Variants in SLC3A2 observed in about 807,000 individuals in gnomAD.
SLC3A2 encodes the protein solute carrier family 3 member 2.
A neutral mutation model predicts 48.5 loss-of-function variants in SLC3A2; 32 were observed. The observed-to-expected ratio is 0.66, with a 90% CI of 0.50 to 0.89. SLC3A2 has a LOEUF of 0.89. Among genes scored for constraint, SLC3A2 ranks in the 40% least tolerant of loss-of-function variants. The pLI is 0.00. For missense variants in SLC3A2, 587 were observed against 680.7 expected (o/e 0.86, Z 1.53); for synonymous variants, 277 against 288.8 (o/e 0.96, Z 0.41).
At chr11:62,865,121 C>T (rs1412647093) in intron 1 of SLC3A2, among the ~76,000 whole-genome samples, 1 of 152,154 alleles carries the variant, frequency 6.6e-6, no homozygotes, top group East Asian at 1.9e-4. Context: ...TAGGCATTTC[C>T]CTTTACCCAG....
Position 62,881,388 on chromosome 11 carries a change from C to T in SLC3A2, c.365C>T (p.Ala122Val). The change falls in exon 1 of 9, where the codon GCC (alanine) becomes GTC (valine). Residue 122 changes from alanine to valine, a missense_variant. Physicochemically the swap from Ala to Val is moderately conservative, Grantham distance 64. Coordinates refer to ENST00000338663, the MANE Select transcript of SLC3A2 (RefSeq NM_001013251.3). This position sits in a 1 kb window ranked among gnomAD's most constrained non-coding sequence, Gnocchi z 4.0. ...GCGCAGAAGTGGTGGCACACGGGCG[C>T]CCTCTACCGCATCGGCGACCTTCAG... ...LPAQKWWHTG[A>V]LYRIGDLQAF... The T allele has an allele frequency of 4.4e-6, 7 of 1,596,536 alleles. No homozygotes were observed. Among genetic ancestry groups the T allele is most frequent in the Non-Finnish European group, 5.9e-6 (7 of 1,177,724 alleles).
At position 62,881,425 on chromosome 11, in the gene SLC3A2, C is replaced by T; in HGVS notation, c.402C>T (p.Gly134=). ...TCGGCGACCTTCAGGCCTTCCAGGGCCACGGCGCGGGCAACCTGGCGGGTG... is the reference window on the plus strand; with the variant it reads ...TCGGCGACCTTCAGGCCTTCCAGGGTCACGGCGCGGGCAACCTGGCGGGTG... ...YRIGDLQAFQ[G]HGAGNLAGLK... The change falls in exon 1 of 9, where the codon GGC becomes GGT. Residue 134 remains glycine (G), a synonymous_variant. Coordinates refer to ENST00000338663, the MANE Select transcript of SLC3A2 (RefSeq NM_001013251.3). This position sits in a 1 kb window ranked among gnomAD's most constrained non-coding sequence, Gnocchi z 4.0. 1 of 1,588,172 alleles carries T rather than the reference C, an allele frequency of 6.3e-7. No individual in the cohort carries two copies.
intron 2 of SLC3A2, 93 bp from the exon 3 acceptor site, chr11:62,882,815 A>G (rs986181127): frequency 4.9e-5 from 52 of 1,070,512 alleles, no homozygotes; most frequent in Non-Finnish European, 7.0e-5. Flanking sequence ...CAAGTAATAC[A>G]TAGGAAACAC....
At chr11:62,872,013 C>T (rs781193729) in intron 1 of SLC3A2, among the ~76,000 whole-genome samples, 21 of 151,914 alleles carry the variant, frequency 1.4e-4, no homozygotes, top group South Asian at 2.1e-4. Context: ...CCTGGGTTCA[C>T]GCCATTCTCC....
At chr11:62,888,101 G>A in intron 7 of SLC3A2, 34 bp from the exon 8 acceptor site, 1 of 1,590,488 alleles carries the variant, frequency 6.3e-7, no homozygotes, top group Non-Finnish European at 8.6e-7. Flanking sequence ...CTGACCCCAG[G>A]CCTTTTTAAA....
intron 1 of SLC3A2, chr11:62,870,891 T>C: frequency 5.5e-6 from 1 of 183,396 alleles, no homozygotes; most frequent in Non-Finnish European, 1.1e-5. Flanking sequence ...TTATTATTAT[T>C]ATTTGAGATG....
At chr11:62,857,556 G>T (rs1292431866) in intron 1 of SLC3A2, among the ~76,000 whole-genome samples, 1 of 151,980 alleles carries the variant, frequency 6.6e-6, no homozygotes, top group African/African-American at 2.4e-5. Flanking sequence ...CAGGAGCGGT[G>T]GTGCATGCCT....
intron 1 of SLC3A2, among the ~76,000 whole-genome samples, chr11:62,868,654 C>T (rs1164754845): frequency 3.9e-5 from 6 of 152,076 alleles, no homozygotes; most frequent in African/African-American, 1.2e-4. Context: ...CGTGAGCCAC[C>T]GTGCCCGGCC....
chr11:62,866,627 C>T (rs2085455764), intron 1 of SLC3A2, among the ~76,000 whole-genome samples: 1 of 152,118 alleles, frequency 6.6e-6, no homozygotes, highest in Non-Finnish European at 1.5e-5. Flanking sequence ...AGCTCCTGAC[C>T]TCAGGTGATC....
intron 3 of SLC3A2, chr11:62,884,069 C>G: frequency 2.2e-6 from 1 of 463,442 alleles, no homozygotes; most frequent in Non-Finnish European, 4.3e-6. Context: ...ACTGTGGACG[C>G]GTCTCCCTGC....
In SLC3A2 at chr11:62,885,241, A is replaced by G. The variant is rs1216644964; in HGVS notation, c.883A>G (p.Lys295Glu). 1.2e-6 allele frequency: 2 copies of G among 1,614,156 alleles called. No homozygotes were observed. Among genetic ancestry groups the G allele is most frequent in the South Asian group, 1.1e-5 (1 of 91,084 alleles). ...QQILSLLESN[K>E]DLLLTSSYLS... is the part of the protein sequence containing the mutation. ...GATCCTGAGCCTACTCGAATCCAAC[A>G]AAGACTTGCTGTTGACTAGCTCATA... Residue 295 changes from lysine (K) to glutamate (E), a missense_variant, in exon 6 of 9, where the codon AAA (lysine) becomes GAA (glutamate). Coordinates refer to ENST00000338663, the MANE Select transcript of SLC3A2 (RefSeq NM_001013251.3).
chr11:62,871,124 C>T (rs1269624148), intron 1 of SLC3A2, among the ~76,000 whole-genome samples: 7 of 151,144 alleles, frequency 4.6e-5, no homozygotes, highest in Non-Finnish European at 8.8e-5. Flanking sequence ...CCTTGTGATC[C>T]GCCTGCCTTG....
intron 1 of SLC3A2, chr11:62,856,397 C>G: frequency 6.3e-7 from 1 of 1,591,716 alleles, no homozygotes; most frequent in Non-Finnish European, 8.6e-7. Context: ...GGATCCCGGG[C>G]TAAGCTCGGG....
At chr11:62,884,195 T>C in intron 3 of SLC3A2, 1 of 581,302 alleles carries the variant, frequency 1.7e-6, no homozygotes, top group South Asian at 1.9e-5. Flanking sequence ...TCTGTGGCTT[T>C]CAAAGTTGAA....
At chr11:62,868,600 C>T (rs571351827) in intron 1 of SLC3A2, among the ~76,000 whole-genome samples, 25 of 149,846 alleles carry the variant, frequency 1.7e-4, no homozygotes, top group African/African-American at 2.7e-4. Flanking sequence ...CTCCTCACCT[C>T]GTGATCTGCC....
chr11:62,888,686 C>T lies in SLC3A2; in HGVS notation c.1583C>T (p.Ala528Val), dbSNP rs201220940. The T allele has an allele frequency of 2.3e-4, 365 of 1,590,422 alleles. 2 individuals are homozygous for T. The Middle Eastern group carries it at 2.8e-3, about 12-fold the overall frequency. ...HEGLLLRFPY[A>V]A is the part of the protein sequence containing the mutation. ...GGGCTGCTGCTCCGCTTCCCCTACG[C>T]GGCCTGACTTCAGCCTGACATGGAC... The change falls in exon 9 of 9, where the codon GCG (alanine) becomes GTG (valine). Residue 528 changes from alanine (A) to valine (V), a missense_variant. By Grantham distance (64) the Ala-to-Val change is moderately conservative. Transcript: ENST00000338663.
At position 62,885,168 on chromosome 11, in the gene SLC3A2, C is replaced by T; in HGVS notation, c.819-9C>T. The T allele has an allele frequency of 6.2e-7, 1 of 1,613,670 alleles. No homozygotes were observed. The highest frequency in any genetic ancestry group is 1.1e-5 in the South Asian group (1 of 91,024). The stretch of plus-strand genomic sequence containing the variant: ...GTGCTAACCTTGAACTCCTCCCTCC[C>T]CTCTGCAGGCTCTTGATTGCGGGGA... On this transcript the variant is annotated splice_polypyrimidine_tract_variant and intron_variant, in intron 5 of 8. Transcript: ENST00000338663.
intron 3 of SLC3A2, chr11:62,883,714 A>C (rs2085671246): frequency 3.8e-6 from 1 of 263,816 alleles, no homozygotes; most frequent in African/African-American, 2.2e-5. Context: ...GGACCCTTTA[A>C]AAGTTGCTGA....
At chr11:62,887,841 G>A in intron 7 of SLC3A2, 1 of 263,690 alleles carries the variant, frequency 3.8e-6, no homozygotes, top group Non-Finnish European at 7.4e-6. Flanking sequence ...TGCCCAGGCT[G>A]GAGTACAGTG....
Sources: allele counts gnomAD v4.1 joint callset (sites outside exome capture counted in the v4.1 genomes callset), GRCh38; gene constraint gnomAD v4.1.1; non-coding constraint Gnocchi (gnomAD v3.1); transcripts MANE v1.5; gene names NCBI Gene and HGNC (gene_info 2026-07-23, HGNC 2026-07-21).